SPAG7: variants seen among roughly 807,000 people sequenced by gnomAD.
SPAG7 encodes the protein sperm-associated antigen 7.
Under a neutral mutation model 30.6 loss-of-function variants are expected in SPAG7, and 20 were observed. The observed-to-expected ratio is 0.65, with a 90% confidence interval of 0.46 to 0.95. The LOEUF (loss-of-function observed/expected upper bound fraction) is 0.95. SPAG7 is among the 40% of genes least tolerant of loss of function. SPAG7 has a pLI of 0.00. For missense variants in SPAG7, 276 were observed against 291.1 expected, an observed-to-expected ratio of 0.95 and a Z score of 0.38; for synonymous variants, 127 against 104.2, an observed-to-expected ratio of 1.22 and a Z score of -1.33.
rs766144079 is a variant in SPAG7, at chr17:4,960,336, A to G, written c.243-18T>C. ...CATCATGTCTGGGATGGGATGGCAGAGGGGAAAGAGCATCTTGAGCCAGGA... is the reference window on the plus strand; with the variant it reads ...CATCATGTCTGGGATGGGATGGCAGGGGGGAAAGAGCATCTTGAGCCAGGA... On this transcript the variant is annotated intron_variant, in intron 3 of 6. Transcript: ENST00000206020. 3.1e-6 allele frequency: 5 copies of G among 1,613,484 alleles called. No individual in the cohort carries two copies. The East Asian group carries it at 6.7e-5, about 22-fold the overall frequency.
intron 1 of SPAG7, among the ~76,000 whole-genome samples, chr17:4,962,050 A>G (rs188798744): frequency 1.5e-4 from 23 of 152,260 alleles, no homozygotes; most frequent in Non-Finnish European, 1.2e-4. Context: ...GGGAGTGACA[A>G]AGATCAGAAT....
intron 1 of SPAG7, chr17:4,966,750 G>A (rs1477863295): frequency 2.0e-6 from 2 of 985,316 alleles, no homozygotes; most frequent in Non-Finnish European, 2.4e-6. Context: ...CCGGACTGTG[G>A]CCTCCCTGAG....
chr17:4,962,361 G>A (rs1387382889), intron 1 of SPAG7, among the ~76,000 whole-genome samples: 2 of 152,038 alleles, frequency 1.3e-5, no homozygotes, highest in Admixed American at 6.6e-5. Flanking sequence ...TGATCCCCCC[G>A]CCTCACCTTC....
Position 4,959,517 on chromosome 17 carries a change from G to A in SPAG7, c.*17C>T. 2 of 1,605,610 alleles carry A rather than the reference G, an allele frequency of 1.2e-6. No individual in the cohort carries two copies. Among genetic ancestry groups the A allele is most frequent in the Non-Finnish European group, 1.7e-6 (2 of 1,175,450 alleles). The stretch of plus-strand genomic sequence containing the variant: ...CCCTGCCCTGCCCCAGGGGTCAAAG[G>A]GAGCTGGGCGGGGCGCCTAGGAGGT... On this transcript the variant is annotated 3_prime_UTR_variant, in exon 7 of 7. Transcript: ENST00000206020.
intron 1 of SPAG7, among the ~76,000 whole-genome samples, chr17:4,962,271 AC>A (rs1971875598): frequency 6.6e-6 from 1 of 151,824 alleles, no homozygotes; most frequent in Non-Finnish European, 1.5e-5. Context: ...GTGCCACCAC[AC>A]CCGGCTAATT....
chr17:4,963,868 G>A (rs757153639), intron 1 of SPAG7, among the ~76,000 whole-genome samples: 20 of 152,184 alleles, frequency 1.3e-4, no homozygotes, highest in Non-Finnish European at 2.2e-4. Context: ...CTTTGGGAGT[G>A]TAGGTGTCCA....
chr17:4,962,459 G>A (rs778731383), intron 1 of SPAG7, among the ~76,000 whole-genome samples: 6 of 152,216 alleles, frequency 3.9e-5, no homozygotes, highest in East Asian at 1.9e-4. Flanking sequence ...CTAGGCTGGC[G>A]TGCAGTGGCA....
chr17:4,959,800 G>A lies in SPAG7; in HGVS notation c.534C>T (p.Asp178=), dbSNP rs753040523. Residue 178 remains aspartate, a synonymous_variant, in exon 6 of 7, where the codon GAC becomes GAT. Coordinates refer to ENST00000206020, the MANE Select transcript of SPAG7 (RefSeq NM_004890.3). ...SHLIGKGAAK[D]AAHMLQANKT... ...TATTGGCCTGTAGCATGTGGGCTGC[G>A]TCTTTGGCTGCTCCCTTGCCGATGA... 1.2e-5 allele frequency: 19 copies of A among 1,614,056 alleles called. No individual in the cohort carries two copies. Among genetic ancestry groups the A allele is most frequent in the African/African-American group, 2.7e-5 (2 of 74,940 alleles).
intron 1 of SPAG7, among the ~76,000 whole-genome samples, chr17:4,961,580 CCT>C (rs1380866360): frequency 6.7e-6 from 1 of 149,540 alleles, no homozygotes; most frequent in Non-Finnish European, 1.5e-5. Flanking sequence ...ACGGTGAAAC[CCT>C]GTCTCTACTA....
intron 1 of SPAG7, among the ~76,000 whole-genome samples, chr17:4,963,451 ATTTTTTTTTT>A (rs35484038): frequency 2.0e-4 from 21 of 103,226 alleles, no homozygotes; most frequent in African/African-American, 7.0e-4. Context: ...GGAAAGGGGA[ATTTTTTTTTT>A]TTTTTTTTTT....
chr17:4,964,168 C>T (rs1183539357), intron 1 of SPAG7, among the ~76,000 whole-genome samples: 1 of 151,864 alleles, frequency 6.6e-6, no homozygotes, highest in Non-Finnish European at 1.5e-5. Context: ...TCCTTAGATC[C>T]TGCCTCTGCG....
chr17:4,963,169 G>A (rs964938235), intron 1 of SPAG7, among the ~76,000 whole-genome samples: 1 of 152,034 alleles, frequency 6.6e-6, no homozygotes, highest in Non-Finnish European at 1.5e-5. Flanking sequence ...AAGGTGGGAG[G>A]ACTGCTTGAG....
chr17:4,966,346 C>T (rs1971951136), intron 1 of SPAG7: 1 of 153,536 alleles, frequency 6.5e-6, no homozygotes, highest in Non-Finnish European at 1.4e-5. Flanking sequence ...AGATTATGGT[C>T]AAGAACATAG....
intron 1 of SPAG7, among the ~76,000 whole-genome samples, chr17:4,963,517 G>C (rs2151148347): frequency 7.0e-6 from 1 of 143,134 alleles, no homozygotes; most frequent in Admixed American, 7.2e-5. Context: ...GGAGTGCAGT[G>C]GCACGATCTT....
chr17:4,966,969 G>C (rs930602736), intron 1 of SPAG7: 4 of 985,378 alleles, frequency 4.1e-6, no homozygotes, highest in Non-Finnish European at 4.8e-6. Context: ...GCTGCAACAC[G>C]AGCAGCCCCG....
rs181986698 is a variant in SPAG7 at position 4,964,894 on chromosome 17, C to G, written c.85+2826G>C. ...GGGATTACAGGTGTGAACCACCACA[C>G]CCGGCTAATTTTTTTTTTCTTTTTC... is the stretch of plus-strand genomic sequence containing the variant. On this transcript the variant is annotated intron_variant, in intron 1 of 6. Coordinates refer to ENST00000206020, the MANE Select transcript of SPAG7 (RefSeq NM_004890.3). Among the ~76,000 whole-genome samples, 534 of 151,900 alleles carry G rather than the reference C, an allele frequency of 3.5e-3. 3 individuals carry two copies. The highest frequency in any genetic ancestry group is 0.012 in the African/African-American group (495 of 41,386).
chr17:4,964,154 C>T (rs184224084), intron 1 of SPAG7, among the ~76,000 whole-genome samples: 1 of 151,814 alleles, frequency 6.6e-6, no homozygotes, highest in Non-Finnish European at 1.5e-5. Flanking sequence ...AACTTTCTTC[C>T]TCTTCCTTAG....
chr17:4,961,783 A>AG (rs1971868522), intron 1 of SPAG7, among the ~76,000 whole-genome samples: 1 of 149,600 alleles, frequency 6.7e-6, no homozygotes, highest in Non-Finnish European at 1.5e-5. Context: ...AAAAAAAAAA[A>AG]AGAGATTAAG....
intron 3 of SPAG7, 58 bp downstream of exon 3, chr17:4,960,401 C>A: frequency 6.3e-7 from 1 of 1,593,006 alleles, no homozygotes; most frequent in Non-Finnish European, 8.6e-7. Flanking sequence ...CCCCCGCTGG[C>A]CCTTTCATGC....
Sources: allele counts gnomAD v4.1 joint callset (sites outside exome capture counted in the v4.1 genomes callset), GRCh38; gene constraint gnomAD v4.1.1; transcripts MANE v1.5; gene names NCBI Gene and HGNC (gene_info 2026-07-23, HGNC 2026-07-21).